INPP4B: variants seen among roughly 807,000 people sequenced by gnomAD.
INPP4B encodes inositol polyphosphate 4-phosphatase type II.
A neutral mutation model predicts 122.5 loss-of-function variants in INPP4B; 55 were observed. That is an observed-to-expected ratio of 0.45 (90% confidence interval 0.36 to 0.56). The LOEUF is 0.56. Ranked by LOEUF, INPP4B falls within the 20% of genes least tolerant of loss-of-function variation. The pLI is 0.00. For missense variants in INPP4B, 1,000 were observed against 1,097.7 expected, an observed-to-expected ratio of 0.91 and a Z score of 1.26; for synonymous variants, 403 against 388.7, an observed-to-expected ratio of 1.04 and a Z score of -0.43.
At chr4:142,128,251 T>C (rs55728718) in intron 18 of INPP4B, among the ~76,000 whole-genome samples, 11,483 of 151,742 alleles carry the variant, frequency 0.076, 555 homozygotes, top group East Asian at 0.23. Context: ...TATACGTGTG[T>C]GCACACACAC....
chr4:142,573,119 C>T (rs1213213855), intron 2 of INPP4B, among the ~76,000 whole-genome samples: 1 of 151,882 alleles, frequency 6.6e-6, no homozygotes, highest in East Asian at 1.9e-4. Flanking sequence ...GACATCTTAC[C>T]ATGGTGGAGC....
chr4:142,245,010 C>T (rs1321650990), intron 11 of INPP4B, among the ~76,000 whole-genome samples: 1 of 152,144 alleles, frequency 6.6e-6, no homozygotes, highest in Non-Finnish European at 1.5e-5. Context: ...GCCTGTGGGC[C>T]ACATAAATGT....
rs151027834 is a variant in INPP4B, at chr4:142,208,923, T to C, written c.940A>G (p.Ile314Val). ...CDQMVNMYQD[I>V]LTELSKETGS... Reference sequence around the variant, plus strand: ...GTTTCCTTGCTAAGTTCTGTCAGAATGTCTTGGTACATATTCACCATTTGA... The same window carrying C: ...GTTTCCTTGCTAAGTTCTGTCAGAACGTCTTGGTACATATTCACCATTTGA... Residue 314 changes from isoleucine (I) to valine (V), a missense_variant, in exon 13 of 26, where the codon ATT (isoleucine) becomes GTT (valine). Transcript: ENST00000262992. 271 of 1,576,518 alleles carry C rather than the reference T, an allele frequency of 1.7e-4. No individual in the cohort carries two copies. Among genetic ancestry groups the C allele is most frequent in the Middle Eastern group, 6.7e-4 (4 of 5,942 alleles).
chr4:142,067,251 A>G (rs1004450978), intron 25 of INPP4B, among the ~76,000 whole-genome samples: 1 of 152,244 alleles, frequency 6.6e-6, no homozygotes, highest in Non-Finnish European at 1.5e-5. Flanking sequence ...ACAGACCTGC[A>G]GCTGAGGGTC....
At chr4:142,737,999 A>C (rs1040899879) in intron 1 of INPP4B, among the ~76,000 whole-genome samples, 2 of 152,206 alleles carry the variant, frequency 1.3e-5, no homozygotes, top group African/African-American at 2.4e-5. Context: ...GAACACTTTC[A>C]CACTGTTGGT....
intron 17 of INPP4B, among the ~76,000 whole-genome samples, chr4:142,150,461 T>C (rs1308668705): frequency 6.6e-6 from 1 of 152,182 alleles, no homozygotes; most frequent in South Asian, 2.1e-4. Context: ...TAATGGGGAA[T>C]CGGCAGGTTA....
At chr4:142,834,597 T>C (rs1185656749) in intron 1 of INPP4B, among the ~76,000 whole-genome samples, 1 of 152,194 alleles carries the variant, frequency 6.6e-6, no homozygotes, top group African/African-American at 2.4e-5. Flanking sequence ...AATCTTCTCA[T>C]TTTTTATTAT....
chr4:142,052,033 A>T (rs542513225), intron 25 of INPP4B, among the ~76,000 whole-genome samples: 32 of 152,112 alleles, frequency 2.1e-4, no homozygotes, highest in Non-Finnish European at 4.1e-4. Context: ...TTTACTTTGC[A>T]AAAAGTATAA....
At chr4:142,405,141 AAGAGCGAGCGAGCCAGCAAGAG>A (rs1802978244) in intron 6 of INPP4B, 43 bp downstream of exon 6, 11 of 920,320 alleles carry the variant, frequency 1.2e-5, no homozygotes, top group Non-Finnish European at 1.8e-5. Flanking sequence ...GAGAGAGAGC[AAGAGCGAGCGAGCCAGCAAGAG>A]AGAGAGAGAG....
chr4:142,373,201 T>A (rs139212402), intron 7 of INPP4B, among the ~76,000 whole-genome samples: 3 of 152,164 alleles, frequency 2.0e-5, no homozygotes, highest in African/African-American at 7.2e-5. Context: ...TATTTTTGCA[T>A]CTTTATTGAA....
At chr4:142,625,595 C>A (rs1375013988) in intron 2 of INPP4B, among the ~76,000 whole-genome samples, 6 of 152,140 alleles carry the variant, frequency 3.9e-5, no homozygotes, top group Admixed American at 3.9e-4. Context: ...CCCCATCAAG[C>A]TACCAATGAC....
intron 1 of INPP4B, among the ~76,000 whole-genome samples, chr4:142,797,469 G>A (rs1255311553): frequency 6.6e-6 from 1 of 151,960 alleles, no homozygotes; most frequent in African/African-American, 2.4e-5. Flanking sequence ...GAAGAGAAGA[G>A]AATTTGAGCT....
intron 7 of INPP4B, among the ~76,000 whole-genome samples, chr4:142,386,555 C>T (rs1431902235): frequency 6.6e-6 from 1 of 152,120 alleles, no homozygotes; most frequent in Non-Finnish European, 1.5e-5. Flanking sequence ...TTGGCCAATC[C>T]CAGCAGCAAT....
intron 23 of INPP4B, among the ~76,000 whole-genome samples, chr4:142,097,520 A>T (rs1036026825): frequency 2.6e-5 from 4 of 151,606 alleles, no homozygotes; most frequent in Non-Finnish European, 5.9e-5. Flanking sequence ...GCCTCCCAAA[A>T]TTCTGGGATT....
At chr4:142,420,704 G>A (rs553673602) in intron 5 of INPP4B, among the ~76,000 whole-genome samples, 1 of 152,148 alleles carries the variant, frequency 6.6e-6, no homozygotes, top group South Asian at 2.1e-4. Flanking sequence ...TCTAGATATA[G>A]GCCTTCACAC....
chr4:142,343,496 C>A (rs1011195396), intron 7 of INPP4B, among the ~76,000 whole-genome samples: 2 of 151,170 alleles, frequency 1.3e-5, no homozygotes, highest in Non-Finnish European at 3.0e-5. Flanking sequence ...AAAAAAAAAA[C>A]CCCGAGAGTT....
intron 7 of INPP4B, among the ~76,000 whole-genome samples, chr4:142,357,873 A>C (rs1172985011): frequency 6.6e-6 from 1 of 152,078 alleles, no homozygotes; most frequent in Non-Finnish European, 1.5e-5. Flanking sequence ...AAATATTCAT[A>C]GAATAATGCA....
chr4:142,827,258 C>T (rs1781561798), intron 1 of INPP4B, among the ~76,000 whole-genome samples: 3 of 152,178 alleles, frequency 2.0e-5, no homozygotes, highest in Admixed American at 6.6e-5. Flanking sequence ...TCACCCTACT[C>T]CTATCCCTCT....
chr4:142,332,648 TC>T (rs1261729460), intron 7 of INPP4B, among the ~76,000 whole-genome samples: 1 of 152,070 alleles, frequency 6.6e-6, no homozygotes, highest in African/African-American at 2.4e-5. Context: ...AAATGACTGG[TC>T]CCAAGTCTCA....
Sources: gnomAD v4.1 joint callset for allele counts (sites outside exome capture counted in the v4.1 genomes callset) on GRCh38, gnomAD v4.1.1 for gene constraint, MANE v1.5 for transcripts, NCBI Gene and HGNC (gene_info 2026-07-23, HGNC 2026-07-21) for gene names.